SIRPB2: variants seen among roughly 807,000 people sequenced by gnomAD.
SIRPB2 encodes the protein signal regulatory protein beta 2, also known as signal-regulatory protein beta-2.
A neutral mutation model predicts 27.1 loss-of-function variants in SIRPB2; 18 were observed. The observed-to-expected ratio is 0.66, with a 90% CI of 0.46 to 0.98. The LOEUF (loss-of-function observed/expected upper bound fraction) is 0.98. Ranked by LOEUF, SIRPB2 falls within the 50% of genes least tolerant of loss-of-function variation. The pLI, the probability that SIRPB2 is intolerant of heterozygous loss-of-function variation, is 0.00. For missense variants in SIRPB2, 420 were observed against 417.4 expected, an observed-to-expected ratio of 1.01 and a Z score of -0.06; for synonymous variants, 150 against 164.6, an observed-to-expected ratio of 0.91 and a Z score of 0.68.
At chr20:1,491,189 T>C (rs1168918261) in intron 1 of SIRPB2, 86 bp downstream of exon 1, 1 of 1,254,744 alleles carries the variant, frequency 8.0e-7, no homozygotes, top group Non-Finnish European at 1.1e-6. Context: ...GGGGTCAAGC[T>C]TCTTCAGGCA....
At position 1,477,384 on chromosome 20, in the gene SIRPB2, T is replaced by C; in HGVS notation, c.813A>G (p.Lys271=). Residue 271 remains lysine, a synonymous_variant, in exon 4 of 5, where the codon AAA becomes AAG. Transcript: ENST00000359801. ...CAGGTTCACTGGTGAATTCTGCCTC[T>C]TTGGAAGAGGTAGATTTTGCTGCAA... ...LKVKAKSTSS[K]EAEFTSEPAT... The C allele has an allele frequency of 6.2e-7, 1 of 1,613,636 alleles. No homozygotes were observed. The highest frequency in any genetic ancestry group is 2.2e-5 in the East Asian group (1 of 44,866).
At position 1,478,481 on chromosome 20, in the gene SIRPB2, C is replaced by T. The variant is rs1214689478; in HGVS notation, c.578G>A (p.Trp193Ter). 6.2e-7 allele frequency: 1 copy of T among 1,614,044 alleles called. No homozygotes were observed. The highest frequency in any genetic ancestry group is 1.3e-5 in the African/African-American group (1 of 74,914). ...LGDGPPGPIR[W>*]FQGAGLSREA... The stretch of plus-strand genomic sequence containing the variant: ...CCGGCTCAGACCAGCTCCCTGGAAC[C>T]ACCTGATGGGTCCAGGGGGACCGTC... Residue 193 changes from tryptophan to a stop codon, truncating the protein, a stop_gained, in exon 3 of 5, where the codon TGG becomes TAG. Transcript: ENST00000359801. LOFTEE classifies it high-confidence loss of function.
intron 1 of SIRPB2, among the ~76,000 whole-genome samples, chr20:1,486,470 G>A (rs1418980814): frequency 6.6e-6 from 1 of 151,798 alleles, no homozygotes; most frequent in African/African-American, 2.4e-5. Context: ...TATTCTATGA[G>A]TCCCAGTGTT....
intron 1 of SIRPB2, among the ~76,000 whole-genome samples, chr20:1,484,096 T>A (rs909580647): frequency 1.3e-5 from 2 of 152,132 alleles, no homozygotes; most frequent in Non-Finnish European, 1.5e-5. Context: ...GGCAAAGGTA[T>A]CAAGAATACA....
Position 1,475,828 on chromosome 20 carries a change from T to A in SIRPB2, c.*339A>T. The A allele has an allele frequency of 9.0e-6, 2 of 222,236 alleles. No individual in the cohort carries two copies. The highest frequency in any genetic ancestry group is 1.8e-5 in the Non-Finnish European group (2 of 112,414). 13.8% of individuals were successfully genotyped at this position (222,236 alleles called of 1,614,324 possible). ...CATCTCCTGGGAAGAAGACTCTGAG[T>A]TGGATGTTGGAGGCCAAGAAGGATG... is the stretch of plus-strand genomic sequence containing the variant. On this transcript the variant is annotated 3_prime_UTR_variant, in exon 5 of 5. Coordinates refer to ENST00000359801, the MANE Select transcript of SIRPB2 (RefSeq NM_001122962.2).
At chr20:1,487,048 A>G (rs1011901386) in intron 1 of SIRPB2, among the ~76,000 whole-genome samples, 14 of 152,220 alleles carry the variant, frequency 9.2e-5, no homozygotes, top group Non-Finnish European at 1.6e-4. Context: ...CTTTATGTGC[A>G]TATGACATAA....
intron 1 of SIRPB2, among the ~76,000 whole-genome samples, chr20:1,482,531 CTTCCTTT>C (rs2090681741): frequency 1.3e-5 from 2 of 151,324 alleles, no homozygotes; most frequent in African/African-American, 4.9e-5. Context: ...TCCTTTCTTT[CTTCCTTT>C]CTTCCTTCCT....
chr20:1,482,683 T>C (rs2090683988), intron 1 of SIRPB2, among the ~76,000 whole-genome samples: 1 of 146,214 alleles, frequency 6.8e-6, no homozygotes, highest in Non-Finnish European at 1.5e-5. Context: ...TTCTCCCACC[T>C]CAGCCTCCTG....
chr20:1,482,737 C>T (rs750201263), intron 1 of SIRPB2, among the ~76,000 whole-genome samples: 2 of 151,766 alleles, frequency 1.3e-5, no homozygotes, highest in Non-Finnish European at 2.9e-5. Context: ...CAGTTCCATC[C>T]GTGTTGCTGT....
In SIRPB2 at chr20:1,478,366, G is replaced by T; in HGVS notation, c.693C>A (p.Asn231Lys). 1 of 1,614,188 alleles carries T rather than the reference G, an allele frequency of 6.2e-7. No individual in the cohort carries two copies. Among genetic ancestry groups the T allele is most frequent in the Non-Finnish European group, 8.5e-7 (1 of 1,180,036 alleles). Residue 231 changes from asparagine to lysine, a missense_variant, in exon 3 of 5, where the codon AAC becomes AAA. Transcript: ENST00000359801. ...AGGTGCCTGCATCCTCACTGGAGAC[G>T]TTTTGCAGAAGAATGCTGAAGTCAT... ...SNNDFSILLQ[N>K]VSSEDAGTYY... is the part of the protein sequence containing the mutation.
At position 1,479,962 on chromosome 20, in the gene SIRPB2, G is replaced by C. The variant is rs761294025; in HGVS notation, c.189C>G (p.Val63=). The C allele has an allele frequency of 1.9e-6, 3 of 1,614,112 alleles. No individual in the cohort carries two copies. Among genetic ancestry groups the C allele is most frequent in the Non-Finnish European group, 2.5e-6 (3 of 1,180,028 alleles). ...TTATCATACCATCAGTGCAGGAGCC[G>C]ACCACCATACACCTCAGTAGAAGTG... ...GETLLLRCMV[V]GSCTDGMIKW... is the part of the protein sequence containing the mutation. The change falls in exon 2 of 5, where the codon GTC becomes GTG. Residue 63 remains valine (V), a synonymous_variant. Coordinates refer to ENST00000359801, the MANE Select transcript of SIRPB2 (RefSeq NM_001122962.2).
At chr20:1,482,082 T>C (rs16994406) in intron 1 of SIRPB2, among the ~76,000 whole-genome samples, 1 of 151,910 alleles carries the variant, frequency 6.6e-6, no homozygotes, top group East Asian at 1.9e-4. Flanking sequence ...TAAAAAAAAA[T>C]AACATTCTAT....
intron 1 of SIRPB2, among the ~76,000 whole-genome samples, chr20:1,484,581 A>G (rs1409754959): frequency 6.6e-6 from 1 of 152,250 alleles, no homozygotes; most frequent in Non-Finnish European, 1.5e-5. Context: ...CAAATGGCCA[A>G]CAGGCACATG....
Position 1,479,719 on chromosome 20 carries a change from G to T in SIRPB2, c.432C>A (p.Gly144=), listed in dbSNP as rs759437805. Reference sequence around the variant, plus strand: ...CCTTACCCTTCACAAGCACTGAGGTGCCTTCATCCGATTTCATTTCTGAGT... The same window carrying T: ...CCTTACCCTTCACAAGCACTGAGGTTCCTTCATCCGATTTCATTTCTGAGT... ...SEHSEMKSDE[G]TSVLVKGAGD... is the part of the protein sequence containing the mutation. The change falls in exon 2 of 5, where the codon GGC becomes GGA. Residue 144 remains glycine (G), a synonymous_variant. Coordinates refer to ENST00000359801, the MANE Select transcript of SIRPB2 (RefSeq NM_001122962.2). The T allele has an allele frequency of 1.9e-6, 3 of 1,614,050 alleles. No individual in the cohort carries two copies. In the African/African-American group the frequency reaches 4.0e-5, roughly 22 times the overall value.
intron 1 of SIRPB2, among the ~76,000 whole-genome samples, chr20:1,488,034 A>G (rs1466059422): frequency 6.6e-6 from 1 of 152,240 alleles, no homozygotes; most frequent in Non-Finnish European, 1.5e-5. Flanking sequence ...GGGTTAGGCA[A>G]AGATTTCTTA....
At chr20:1,473,838 T>C (rs1180486796), downstream of SIRPB2, 1 of 456,324 alleles carries the variant, frequency 2.2e-6, no homozygotes, top group Non-Finnish European at 4.4e-6. Context: ...CTGTTTCAGC[T>C]TCCCGTGGCC....
chr20:1,476,784 T>C, intron 4 of SIRPB2: 1 of 1,047,594 alleles, frequency 9.5e-7, no homozygotes, highest in Non-Finnish European at 1.2e-6. Flanking sequence ...ACCACATCTA[T>C]CACAAGCTCC....
At position 1,475,428 on chromosome 20, in the gene SIRPB2, A is replaced by G. The variant is rs1372007530; in HGVS notation, c.*739T>C. The G allele has an allele frequency of 2.6e-5, 4 of 152,202 alleles. No homozygotes were observed. The highest frequency in any genetic ancestry group is 9.7e-5 in the African/African-American group (4 of 41,444). 9.4% of individuals were successfully genotyped at this position (152,202 alleles called of 1,614,324 possible). ...ATGTGACCACATTCCAGCCAAGTAGAGATAAGTGAGGTGGCCAAGTTCCTG... is the reference window on the plus strand; with the variant it reads ...ATGTGACCACATTCCAGCCAAGTAGGGATAAGTGAGGTGGCCAAGTTCCTG... On this transcript the variant is annotated 3_prime_UTR_variant, in exon 5 of 5. Transcript: ENST00000359801.
intron 1 of SIRPB2, among the ~76,000 whole-genome samples, chr20:1,486,934 C>T (rs1012650380): frequency 6.6e-6 from 1 of 152,044 alleles, no homozygotes; most frequent in Non-Finnish European, 1.5e-5. Flanking sequence ...GACAAAGATG[C>T]CTGTTTTTAC....
Sources: allele counts gnomAD v4.1 joint callset (sites outside exome capture counted in the v4.1 genomes callset), GRCh38; gene constraint gnomAD v4.1.1; transcripts MANE v1.5; gene names NCBI Gene and HGNC (gene_info 2026-07-23, HGNC 2026-07-21).